CADM4: variants seen among roughly 807,000 people sequenced by gnomAD.
CADM4 encodes the protein TSLC1-like 2.
A neutral mutation model predicts 43.9 loss-of-function variants in CADM4; 13 were observed. The observed-to-expected ratio is 0.30, with a 90% CI of 0.19 to 0.47. The LOEUF (loss-of-function observed/expected upper bound fraction) is 0.47, where lower values mean the gene tolerates loss of function less well. Among genes scored for constraint, CADM4 ranks in the 20% least tolerant of loss-of-function variants. CADM4 has a pLI of 1.00. For synonymous variants in CADM4, 209 were observed against 220.9 expected, an observed-to-expected ratio of 0.95 and a Z score of 0.48; for missense variants, 420 against 527.0, an observed-to-expected ratio of 0.80 and a Z score of 1.99.
rs1333818601 is a variant in CADM4, at chr19:43,625,588, A to AATC, written c.755+322_755+323insGAT. On this transcript the variant is annotated intron_variant, in intron 6 of 8. Transcript: ENST00000222374. This position sits in a 1 kb window ranked among gnomAD's most constrained non-coding sequence, Gnocchi z 4.5. ...GTCACTACAATTAAAAAATAATAAT[A>AATC]ATAATAATAATAATTCTAGCCCTCC... Among the ~76,000 whole-genome samples the AATC allele has an allele frequency of 6.6e-6, 1 of 151,484 alleles. No individual in the cohort carries two copies. The highest frequency in any genetic ancestry group is 1.5e-5 in the Non-Finnish European group (1 of 67,916).
rs1973451639 is a variant in CADM4, at chr19:43,622,457, T to C, written c.*873A>G. 1 of 151,556 alleles carries C rather than the reference T, an allele frequency of 6.6e-6. No individual in the cohort carries two copies. Among genetic ancestry groups the C allele is most frequent in the South Asian group, 2.1e-4 (1 of 4,768 alleles). The allele number at this position is 151,556 out of a possible 1,614,324, so 9.4% of individuals were successfully genotyped here. On this transcript the variant is annotated 3_prime_UTR_variant, in exon 9 of 9. Transcript: ENST00000222374. Reference sequence around the variant, plus strand: ...CACCCCGTACAAAATGTGTGTGTGGTTTTTTGTTTTTTGTTTTTTGTTTTT... The same window carrying C: ...CACCCCGTACAAAATGTGTGTGTGGCTTTTTGTTTTTTGTTTTTTGTTTTT...
intron 1 of CADM4, among the ~76,000 whole-genome samples, chr19:43,630,069 C>A (rs1043176875): frequency 2.0e-5 from 3 of 151,716 alleles, no homozygotes; most frequent in Non-Finnish European, 4.4e-5. Flanking sequence ...TCACACCTGG[C>A]TAACTTTTGT....
intron 1 of CADM4, among the ~76,000 whole-genome samples, chr19:43,638,042 G>A (rs761891819): frequency 6.6e-6 from 1 of 152,204 alleles, no homozygotes; most frequent in Non-Finnish European, 1.5e-5. Flanking sequence ...AAATGTCACT[G>A]AGGTACCAAA....
chr19:43,639,906 G>T, upstream of CADM4: 1 of 798,192 alleles, frequency 1.3e-6, no homozygotes, highest in Non-Finnish European at 1.5e-6. Context: ...GGGCGCCGAG[G>T]CCGGGGCGGG....
At position 43,627,106 on chromosome 19, in the gene CADM4, GA is replaced by G. The variant is rs1973541361; in HGVS notation, c.364+59del. 1.1e-5 allele frequency: 16 copies of G among 1,513,634 alleles called. No individual in the cohort carries two copies. The highest frequency in any genetic ancestry group is 1.3e-5 in the Non-Finnish European group (15 of 1,126,586). 93.8% of individuals were successfully genotyped at this position (1,513,634 alleles called of 1,614,324 possible). A position where few individuals can be genotyped will look rare whatever the true frequency, so the allele number is the denominator to read the frequency against. On this transcript the variant is annotated intron_variant, in intron 3 of 8. Transcript: ENST00000222374. The surrounding 1 kb of genome is among the most constrained non-coding windows in gnomAD (Gnocchi z 4.0). ...TAGCCATGGTCTGAAAGTCTCAGGA[GA>G]AGAGAGAAGCAGAGAAGAAAGGAGG...
At chr19:43,638,658 G>A (rs1255086258) in intron 1 of CADM4, among the ~76,000 whole-genome samples, 1 of 152,230 alleles carries the variant, frequency 6.6e-6, no homozygotes, top group Non-Finnish European at 1.5e-5. Context: ...GTGTGATGAG[G>A]GTATGTGGAT....
At chr19:43,639,943 G>T (rs1056394729), upstream of CADM4, 1 of 475,066 alleles carries the variant, frequency 2.1e-6, no homozygotes, top group Non-Finnish European at 2.7e-6. Flanking sequence ...GGAGACGGAG[G>T]AGAGGCCCGG....
At chr19:43,639,271 T>C (rs772722878) in intron 1 of CADM4, among the ~76,000 whole-genome samples, 1 of 145,374 alleles carries the variant, frequency 6.9e-6, no homozygotes, top group Non-Finnish European at 1.5e-5. Context: ...AAAGACAGAA[T>C]AGATGAGGAA....
At position 43,628,383 on chromosome 19, in the gene CADM4, C is replaced by T. The variant is rs554345608; in HGVS notation, c.65-593G>A. On this transcript the variant is annotated intron_variant, in intron 1 of 8. Transcript: ENST00000222374. ...CCGGGAGTTGGAAGTTGCAGTGAGC[C>T]GAGATGGAGCCACTGCACTCCAGGC... is the stretch of plus-strand genomic sequence containing the variant. 3.3e-5 allele frequency among the ~76,000 whole-genome samples: 5 copies of T among 150,666 alleles called. No individual in the cohort carries two copies. In the East Asian group the frequency reaches 7.8e-4, roughly 24 times the overall value.
rs140972856 is a variant in CADM4, at chr19:43,629,092, T to A, written c.65-1302A>T. Among the ~76,000 whole-genome samples, 866 of 152,290 alleles carry A rather than the reference T, an allele frequency of 5.7e-3. 4 individuals are homozygous for A. The highest frequency in any genetic ancestry group is 0.02 in the African/African-American group (828 of 41,564). On this transcript the variant is annotated intron_variant, in intron 1 of 8. Coordinates refer to ENST00000222374, the MANE Select transcript of CADM4 (RefSeq NM_145296.2). ...TATACTTCCCAGCATCCTTTATAGT[T>A]AGGTGGGGCCATGTGACCAATTCTG... is the stretch of plus-strand genomic sequence containing the variant.
Position 43,639,795 on chromosome 19 carries a change from C to A in CADM4, c.-5G>T. On this transcript the variant is annotated 5_prime_UTR_variant, in exon 1 of 9. Coordinates refer to ENST00000222374, the MANE Select transcript of CADM4 (RefSeq NM_145296.2). ...GAAGCGCCGGGCCCGGCCCATGGTG[C>A]CGCCGCCGCCGCCGCCGCCGCTCGC... 1.0e-6 allele frequency: 1 copy of A among 974,528 alleles called. No homozygotes were observed. Among genetic ancestry groups the A allele is most frequent in the Non-Finnish European group, 1.2e-6 (1 of 821,796 alleles). The allele number at this position is 974,528 out of a possible 1,614,324, so 60.4% of individuals were successfully genotyped here. A position where few individuals can be genotyped will look rare whatever the true frequency, so the allele number is the denominator to read the frequency against.
chr19:43,625,266 G>C lies in CADM4; in HGVS notation c.756-16C>G. 1.2e-6 allele frequency: 2 copies of C among 1,604,192 alleles called. No individual in the cohort carries two copies. On this transcript the variant is annotated splice_polypyrimidine_tract_variant and intron_variant, in intron 6 of 8. Transcript: ENST00000222374. The surrounding 1 kb of genome is among the most constrained non-coding windows in gnomAD (Gnocchi z 4.5). ...CTGGTTTGGCCTGGGTGGGGATAAA[G>C]TATAGTGAGAGTTAGGAACCGAGGT...
intron 1 of CADM4, among the ~76,000 whole-genome samples, chr19:43,635,684 C>G (rs1478106910): frequency 6.7e-6 from 1 of 149,288 alleles, no homozygotes; most frequent in Non-Finnish European, 1.5e-5. Context: ...CCCCTCCTCC[C>G]TCAGACTCAG....
intron 7 of CADM4, 189 bp downstream of exon 7, chr19:43,624,887 CAG>C: frequency 1.7e-6 from 1 of 601,010 alleles, no homozygotes; most frequent in South Asian, 2.1e-5. Flanking sequence ...AACTGAGGCG[CAG>C]ACAGGTTCGG....
chr19:43,631,655 G>A (rs1224551099), intron 1 of CADM4, among the ~76,000 whole-genome samples: 1 of 152,190 alleles, frequency 6.6e-6, no homozygotes, highest in African/African-American at 2.4e-5. Context: ...ACAATTTTGG[G>A]AGGACTTCCT....
rs934787926 is a variant in CADM4 at position 43,623,234 on chromosome 19, C to T, written c.*96G>A. On this transcript the variant is annotated 3_prime_UTR_variant, in exon 9 of 9. Coordinates refer to ENST00000222374, the MANE Select transcript of CADM4 (RefSeq NM_145296.2). This position sits in a 1 kb window ranked among gnomAD's most constrained non-coding sequence, Gnocchi z 4.4. ...AGTGGTGGGGGGAGAAGCCCACCAT[C>T]CCAGACTCTGGTAAATGTCTTTGCT... 1.2e-5 allele frequency: 11 copies of T among 891,302 alleles called. No homozygotes were observed. The highest frequency in any genetic ancestry group is 7.0e-5 in the Admixed American group (4 of 57,226). 55.2% of individuals were successfully genotyped at this position (891,302 alleles called of 1,614,324 possible).
chr19:43,624,290 A>G (rs144982816), intron 7 of CADM4, 48 bp from the exon 8 acceptor site: 1 of 1,612,998 alleles, frequency 6.2e-7, no homozygotes, highest in Non-Finnish European at 8.5e-7. Flanking sequence ...GGACGATCCC[A>G]GTCTGGCCCC....
upstream of CADM4, among the ~76,000 whole-genome samples, chr19:43,640,203 AG>A (rs2146168151): frequency 7.2e-6 from 1 of 139,036 alleles, no homozygotes; most frequent in African/African-American, 2.7e-5. Flanking sequence ...GGAGGGTGGC[AG>A]GGTGTTGCTG....
In CADM4 at chr19:43,626,091, G is replaced by A. The variant is rs982295237; in HGVS notation, c.664+33C>T. On this transcript the variant is annotated intron_variant, in intron 5 of 8. Transcript: ENST00000222374. The surrounding 1 kb of genome is among the most constrained non-coding windows in gnomAD (Gnocchi z 5.9). The stretch of plus-strand genomic sequence containing the variant: ...CGCGGGTGCGGGTGGCTGGCGTTGG[G>A]ATCCCTTGGGTCCTGGCCCGCCGGT... The A allele has an allele frequency of 1.2e-6, 2 of 1,612,002 alleles. No individual in the cohort carries two copies. The highest frequency in any genetic ancestry group is 1.7e-5 in the Admixed American group (1 of 59,742).
Sources: gnomAD v4.1 joint callset for allele counts (sites outside exome capture counted in the v4.1 genomes callset) on GRCh38, gnomAD v4.1.1 for gene constraint, Gnocchi (gnomAD v3.1) non-coding constraint, MANE v1.5 for transcripts, NCBI Gene and HGNC (gene_info 2026-07-23, HGNC 2026-07-21) for gene names.